The following MALRD1 variants were observed in gnomAD, a reference collection of about 807,000 sequenced individuals.
MALRD1 encodes the protein MAM and LDL receptor class A domain containing 1.
MALRD1 carries 247 observed loss-of-function variants against 242.1 expected under a neutral mutation model. The ratio of observed to expected loss-of-function variants is 1.02; its 90% CI spans 0.92 to 1.13. The LOEUF (loss-of-function observed/expected upper bound fraction) is 1.13. MALRD1 is among the 50% of genes most tolerant of loss of function. The probability of loss-of-function intolerance (pLI) is 0.00; values close to 1 mark genes in which losing one functional copy is unlikely to be tolerated. For synonymous variants in MALRD1, 995 were observed against 866.6 expected (o/e 1.15, Z -2.60); for missense variants, 2,989 against 2,533.1 (o/e 1.18, Z -3.86).
chr10:19,316,241 A>G (rs1842703717), intron 21 of MALRD1, among the ~76,000 whole-genome samples: 2 of 151,814 alleles, frequency 1.3e-5, no homozygotes, highest in Non-Finnish European at 2.9e-5. Context: ...CAGTTTAGTT[A>G]AAGACTTCAC....
chr10:19,098,981 T>C lies in MALRD1; in HGVS notation c.598-4998T>C, dbSNP rs138549462. On this transcript the variant is annotated intron_variant, in intron 4 of 39. Transcript: ENST00000454679. ...AACTGATTGGGGTAGGTGTGCCGTT[T>C]GCATAGGGCACAAAAAGCTGGCCTT... Among the ~76,000 whole-genome samples the C allele has an allele frequency of 1.4e-3, 207 of 152,276 alleles. 1 individual carries two copies. Among genetic ancestry groups the C allele is most frequent in the African/African-American group, 4.8e-3 (200 of 41,566 alleles).
chr10:19,320,284 T>C (rs139162041), intron 21 of MALRD1, among the ~76,000 whole-genome samples: 2,646 of 152,118 alleles, frequency 0.017, 76 homozygotes, highest in African/African-American at 0.061. Flanking sequence ...TGTGTTCTCA[T>C]TGTTCAGCTC....
At chr10:19,099,763 A>ATATC (rs1554788439) in intron 4 of MALRD1, among the ~76,000 whole-genome samples, 2 of 149,238 alleles carry the variant, frequency 1.3e-5, no homozygotes, top group African/African-American at 4.9e-5. Context: ...ATATATATAT[A>ATATC]TTTTTTTTAA....
At chr10:19,327,067 C>G (rs1412578975) in intron 22 of MALRD1, among the ~76,000 whole-genome samples, 1 of 151,998 alleles carries the variant, frequency 6.6e-6, no homozygotes, top group Non-Finnish European at 1.5e-5. Context: ...CTTACTGGCG[C>G]AGCATAAATA....
intron 38 of MALRD1, among the ~76,000 whole-genome samples, chr10:19,701,176 AAG>A (rs879335601): frequency 4.0e-4 from 61 of 152,150 alleles, no homozygotes; most frequent in Non-Finnish European, 7.2e-4. Context: ...ATAAATTAAA[AAG>A]AGAGAAAGAG....
intron 33 of MALRD1, 134 bp downstream of exon 33, chr10:19,567,837 A>G (rs997760170): frequency 1.0e-5 from 8 of 790,274 alleles, no homozygotes; most frequent in Non-Finnish European, 1.2e-5. Flanking sequence ...AGAGTCACAT[A>G]TACTAAGAAG....
chr10:19,629,140 C>T (rs1394040779), intron 36 of MALRD1, among the ~76,000 whole-genome samples: 1 of 152,136 alleles, frequency 6.6e-6, no homozygotes, highest in African/African-American at 2.4e-5. Context: ...AAAAGCAAGC[C>T]TCGTGATATG....
chr10:19,070,836 CTTTTTTTTTT>C (rs3042437), intron 2 of MALRD1, among the ~76,000 whole-genome samples: 3 of 52,444 alleles, frequency 5.7e-5, no homozygotes, highest in Non-Finnish European at 6.7e-5. Flanking sequence ...AAATGACAAA[CTTTTTTTTTT>C]TTTTTTTTTT....
At chr10:19,323,131 G>T (rs200094725) in intron 21 of MALRD1, among the ~76,000 whole-genome samples, 2 of 152,118 alleles carry the variant, frequency 1.3e-5, no homozygotes, top group South Asian at 2.1e-4. Flanking sequence ...TATATACAAG[G>T]TTACTAAAAT....
chr10:19,728,566 C>A (rs1256594979), intron 38 of MALRD1: 1 of 152,194 alleles, frequency 6.6e-6, no homozygotes, highest in Non-Finnish European at 1.5e-5. Context: ...TATGCTCAGG[C>A]TTTGACCATC....
At chr10:19,690,424 T>G (rs771471267) in intron 36 of MALRD1, among the ~76,000 whole-genome samples, 13 of 152,068 alleles carry the variant, frequency 8.5e-5, no homozygotes, top group Non-Finnish European at 1.5e-4. Flanking sequence ...TTTAGAAACA[T>G]ACATAATAAA....
chr10:19,653,765 G>C (rs529116205), intron 36 of MALRD1, among the ~76,000 whole-genome samples: 102 of 152,222 alleles, frequency 6.7e-4, no homozygotes, highest in African/African-American at 2.3e-3. Flanking sequence ...GTAAATTTCA[G>C]AGTAATATCA....
intron 38 of MALRD1, among the ~76,000 whole-genome samples, chr10:19,693,001 A>G (rs1589409022): frequency 6.6e-6 from 1 of 151,946 alleles, no homozygotes; most frequent in East Asian, 1.9e-4. Context: ...AGATACAGAA[A>G]AGGCCTTCGA....
At chr10:19,238,507 T>C (rs867039881) in intron 18 of MALRD1, among the ~76,000 whole-genome samples, 3 of 52,390 alleles carry the variant, frequency 5.7e-5, no homozygotes, top group African/African-American at 9.1e-5. Flanking sequence ...TAATATAATA[T>C]ATAATGTATA....
At position 19,430,111 on chromosome 10, in the gene MALRD1, C is replaced by CTTTTTTTTTTT. The variant is rs1156254998; in HGVS notation, c.4846-20185_4846-20175dup. Among the ~76,000 whole-genome samples, 422 of 83,490 alleles carry CTTTTTTTTTTT rather than the reference C, an allele frequency of 5.1e-3. 49 individuals carry two copies. The highest frequency in any genetic ancestry group is 0.017 in the African/African-American group (349 of 20,418). 54.8% of individuals were successfully genotyped at this position (83,490 alleles called of 152,430 possible). A position where few individuals can be genotyped will look rare whatever the true frequency, so the allele number is the denominator to read the frequency against. Reference sequence around the variant, plus strand: ...CTTTGCTTGGAATTTCTCCATTTTCCTTTTTTTTTTTTTTTTTTTTTGAGA... The same window carrying CTTTTTTTTTTT: ...CTTTGCTTGGAATTTCTCCATTTTCCTTTTTTTTTTTTTTTTTTTTTTTTTTTTTTTTGAGA... On this transcript the variant is annotated intron_variant, in intron 28 of 39. Transcript: ENST00000454679.
intron 29 of MALRD1, among the ~76,000 whole-genome samples, chr10:19,467,206 T>G (rs79662006): frequency 0.19 from 25,162 of 131,052 alleles, 2,765 homozygotes; most frequent in African/African-American, 0.34. Context: ...TACAAAAAAA[T>G]TAGCCGGGTG....
chr10:19,374,672 G>A lies in MALRD1; in HGVS notation c.4442-12856G>A, dbSNP rs996617704. Reference sequence around the variant, plus strand: ...AAGATTCAAGCAACTCAGTGTCCTGGGCAGCCCTTTTCAGTTTTCACTCTT... The same window carrying A: ...AAGATTCAAGCAACTCAGTGTCCTGAGCAGCCCTTTTCAGTTTTCACTCTT... On this transcript the variant is annotated intron_variant, in intron 26 of 39. Coordinates refer to ENST00000454679, the MANE Select transcript of MALRD1 (RefSeq NM_001142308.3). Among the ~76,000 whole-genome samples the A allele has an allele frequency of 2.0e-5, 3 of 152,106 alleles. No homozygotes were observed. In the South Asian group the frequency reaches 6.2e-4, roughly 32 times the overall value.
rs1224052813 is a variant in MALRD1 at position 19,640,859 on chromosome 10, A to C, written c.6137+24936A>C. On this transcript the variant is annotated intron_variant, in intron 36 of 39. Coordinates refer to ENST00000454679, the MANE Select transcript of MALRD1 (RefSeq NM_001142308.3). ...ATAGTAAGTTCTTGTTTTTCTAATG[A>C]AAATTGTTTAAAAGGCAAATAAAAT... is the stretch of plus-strand genomic sequence containing the variant. Among the ~76,000 whole-genome samples the C allele has an allele frequency of 2.6e-5, 4 of 152,322 alleles. No homozygotes were observed. In the East Asian group the frequency reaches 5.8e-4, roughly 22 times the overall value.
chr10:19,060,865 C>T (rs111418824), intron 1 of MALRD1, among the ~76,000 whole-genome samples: 246 of 152,228 alleles, frequency 1.6e-3, no homozygotes, highest in African/African-American at 5.4e-3. Context: ...TTCACAACAG[C>T]GAAGACATGG....
Sources: allele counts gnomAD v4.1 joint callset (sites outside exome capture counted in the v4.1 genomes callset), GRCh38; gene constraint gnomAD v4.1.1; transcripts MANE v1.5; gene names NCBI Gene and HGNC (gene_info 2026-07-23, HGNC 2026-07-21).